XIRP2: variants seen among roughly 807,000 people sequenced by gnomAD.
XIRP2 encodes xin actin-binding repeat-containing protein 2.
In XIRP2, 236 loss-of-function variants were observed where a neutral mutation model predicts 277.0. The ratio of observed to expected loss-of-function variants is 0.85; its 90% CI spans 0.77 to 0.95. The LOEUF (loss-of-function observed/expected upper bound fraction) is 0.95. XIRP2 is among the 40% of genes least tolerant of loss of function. The pLI, the probability that XIRP2 is intolerant of heterozygous loss-of-function variation, is 0.00. For missense variants in XIRP2, 4,640 were observed against 4,157.5 expected, an observed-to-expected ratio of 1.12 and a Z score of -3.19; for synonymous variants, 1,490 against 1,416.5, an observed-to-expected ratio of 1.05 and a Z score of -1.17.
At position 167,249,681 on chromosome 2, in the gene XIRP2, G is replaced by A; in HGVS notation, c.8289G>A (p.Lys2763=). ...KTEASTECSH[K]QSLAERHYQL... Reference sequence around the variant, plus strand: ...AAGCAAGCACTGAATGTAGTCATAAGCAATCTCTGGCTGAAAGACATTATC... The same window carrying A: ...AAGCAAGCACTGAATGTAGTCATAAACAATCTCTGGCTGAAAGACATTATC... Residue 2763 remains lysine (K), a synonymous_variant, in exon 9 of 11, where the codon AAG becomes AAA. Coordinates refer to ENST00000409195, the MANE Select transcript of XIRP2 (RefSeq NM_152381.6). The A allele has an allele frequency of 1.2e-6, 2 of 1,613,424 alleles. No individual in the cohort carries two copies. The highest frequency in any genetic ancestry group is 1.7e-6 in the Non-Finnish European group (2 of 1,179,742).
chr2:166,890,812 C>T (rs562164174), intron 1 of XIRP2, among the ~76,000 whole-genome samples: 10 of 152,242 alleles, frequency 6.6e-5, no homozygotes, highest in African/African-American at 2.2e-4. Context: ...CCCATATCCT[C>T]CAGACAGTTT....
intron 2 of XIRP2, among the ~76,000 whole-genome samples, chr2:167,064,405 C>G (rs568833150): frequency 1.3e-5 from 2 of 151,904 alleles, no homozygotes; most frequent in Admixed American, 1.3e-4. Flanking sequence ...TTAATCCTTT[C>G]TTTATGTGAT....
intron 2 of XIRP2, among the ~76,000 whole-genome samples, chr2:167,074,473 A>G (rs1289254917): frequency 6.6e-6 from 1 of 152,182 alleles, no homozygotes; most frequent in East Asian, 1.9e-4. Flanking sequence ...AAGTCATTCC[A>G]TTTTAAAAAT....
At chr2:167,160,159 T>C (rs2105339617) in intron 3 of XIRP2, among the ~76,000 whole-genome samples, 1 of 152,328 alleles carries the variant, frequency 6.6e-6, no homozygotes, top group East Asian at 1.9e-4. Context: ...ACTATGTGTC[T>C]CCTCATAAAA....
intron 3 of XIRP2, among the ~76,000 whole-genome samples, chr2:167,198,718 A>T (rs1029487112): frequency 1.3e-5 from 2 of 152,206 alleles, no homozygotes; most frequent in Non-Finnish European, 1.5e-5. Context: ...ATTTACTTCC[A>T]GAAGAGTAGG....
rs147108205 is a variant in XIRP2, at chr2:167,125,623, A to C, written c.409-10286A>C. Among the ~76,000 whole-genome samples the C allele has an allele frequency of 1.3e-3, 201 of 152,294 alleles. 1 individual carries two copies. Among genetic ancestry groups the C allele is most frequent in the African/African-American group, 4.5e-3 (188 of 41,574 alleles). On this transcript the variant is annotated intron_variant, in intron 2 of 10. Transcript: ENST00000409195. Reference sequence around the variant, plus strand: ...CTTTGCACAAAGTAATATTCAAGGAATGTTGGCCTTTATGATTTCTTTAAG... The same window carrying C: ...CTTTGCACAAAGTAATATTCAAGGACTGTTGGCCTTTATGATTTCTTTAAG...
At chr2:167,031,647 C>A (rs1199516115) in intron 2 of XIRP2, among the ~76,000 whole-genome samples, 1 of 152,090 alleles carries the variant, frequency 6.6e-6, no homozygotes, top group Non-Finnish European at 1.5e-5. Context: ...CACAAGCATT[C>A]CTTTACACCA....
At chr2:167,121,039 G>A (rs1432674970) in intron 2 of XIRP2, among the ~76,000 whole-genome samples, 1 of 152,134 alleles carries the variant, frequency 6.6e-6, no homozygotes, top group African/African-American at 2.4e-5. Flanking sequence ...TTTTACAGAT[G>A]AAGAAATGGA....
chr2:167,028,757 T>G (rs1688245285), intron 2 of XIRP2, among the ~76,000 whole-genome samples: 1 of 151,834 alleles, frequency 6.6e-6, no homozygotes, highest in African/African-American at 2.4e-5. Context: ...GACAGAGATA[T>G]TTGACCTTTC....
At chr2:166,924,857 T>C (rs866867446) in intron 2 of XIRP2, among the ~76,000 whole-genome samples, 1 of 151,980 alleles carries the variant, frequency 6.6e-6, no homozygotes. Context: ...AATTCAGAAA[T>C]TATTAAGGGT....
In XIRP2 at chr2:167,025,293, T is replaced by C. The variant is rs1013908748; in HGVS notation, c.409-110616T>C. Among the ~76,000 whole-genome samples, 115 of 152,302 alleles carry C rather than the reference T, an allele frequency of 7.6e-4. 1 individual carries two copies. The highest frequency in any genetic ancestry group is 2.7e-3 in the African/African-American group (112 of 41,586). The stretch of plus-strand genomic sequence containing the variant: ...GTAGTTTGTATTTCTGTGGGATCGG[T>C]GGTAATATCCCCTTTATCATTTTTT... On this transcript the variant is annotated intron_variant, in intron 2 of 10. Transcript: ENST00000409195.
chr2:166,944,449 T>A (rs1685800508), intron 2 of XIRP2, among the ~76,000 whole-genome samples: 1 of 152,198 alleles, frequency 6.6e-6, no homozygotes, highest in African/African-American at 2.4e-5. Context: ...ATAGGCATTG[T>A]GAAATCTGGA....
At chr2:167,027,783 T>A (rs993916600) in intron 2 of XIRP2, among the ~76,000 whole-genome samples, 1 of 152,060 alleles carries the variant, frequency 6.6e-6, no homozygotes, top group Non-Finnish European at 1.5e-5. Context: ...CCAGACCCTA[T>A]AAACAGGTAA....
intron 2 of XIRP2, among the ~76,000 whole-genome samples, chr2:167,033,146 T>A (rs1688413261): frequency 6.6e-6 from 1 of 152,128 alleles, no homozygotes; most frequent in African/African-American, 2.4e-5. Context: ...TGCAGGGACA[T>A]GGATGAAGCT....
chr2:167,175,589 G>A (rs1355865739), intron 3 of XIRP2, among the ~76,000 whole-genome samples: 1 of 152,156 alleles, frequency 6.6e-6, no homozygotes, highest in Non-Finnish European at 1.5e-5. Context: ...GCTGGGAGGT[G>A]TCTCCCAGGC....
rs370762887 is a variant in XIRP2, at chr2:167,257,950, T to C, written c.*133T>C. On this transcript the variant is annotated 3_prime_UTR_variant, in exon 11 of 11. Coordinates refer to ENST00000409195, the MANE Select transcript of XIRP2 (RefSeq NM_152381.6). ...CCAAAGGAAATTATGATGAAGGTTT[T>C]GGACATAAGCAGCATAAAGATAGAT... 7.2e-5 allele frequency: 116 copies of C among 1,612,874 alleles called. No homozygotes were observed. The African/African-American group carries it at 1.3e-3, about 19-fold the overall frequency.
intron 1 of XIRP2, among the ~76,000 whole-genome samples, chr2:166,897,948 G>A (rs1441448067): frequency 6.6e-6 from 1 of 152,130 alleles, no homozygotes; most frequent in African/African-American, 2.4e-5. Flanking sequence ...CAGGTGGCAT[G>A]CAGGATACTC....
At chr2:166,907,540 G>C (rs1200515569) in intron 2 of XIRP2, among the ~76,000 whole-genome samples, 2 of 152,028 alleles carry the variant, frequency 1.3e-5, no homozygotes, top group Admixed American at 6.6e-5. Flanking sequence ...GATGACAACA[G>C]AGCTGGGACA....
At chr2:167,030,120 C>T (rs975679985) in intron 2 of XIRP2, among the ~76,000 whole-genome samples, 3 of 151,972 alleles carry the variant, frequency 2.0e-5, no homozygotes, top group African/African-American at 7.2e-5. Flanking sequence ...CTTTATTAGT[C>T]TGGCTAGCAG....
Sources: gnomAD v4.1 joint callset for allele counts (sites outside exome capture counted in the v4.1 genomes callset) on GRCh38, gnomAD v4.1.1 for gene constraint, MANE v1.5 for transcripts, NCBI Gene and HGNC (gene_info 2026-07-23, HGNC 2026-07-21) for gene names.